The following COMMD10 variants were observed in gnomAD, a reference collection of about 807,000 sequenced individuals.
COMMD10 encodes COMM domain containing 10, also known as COMM domain-containing protein 10.
Under a neutral mutation model 28.9 loss-of-function variants are expected in COMMD10, and 33 were observed. The observed-to-expected ratio is 1.14, with a 90% confidence interval of 0.87 to 1.53. The LOEUF (loss-of-function observed/expected upper bound fraction) is 1.53. Among genes scored for constraint, COMMD10 ranks in the 40% most tolerant of loss-of-function variants. The pLI is 0.00. For missense variants in COMMD10, 310 were observed against 233.4 expected, an observed-to-expected ratio of 1.33 and a Z score of -2.14; for synonymous variants, 110 against 81.7, an observed-to-expected ratio of 1.35 and a Z score of -1.87.
chr5:116,261,565 G>A (rs1750444254), intron 5 of COMMD10, among the ~76,000 whole-genome samples: 1 of 151,750 alleles, frequency 6.6e-6, no homozygotes, highest in Admixed American at 6.6e-5. Context: ...TTTTATTTCA[G>A]TGCACTTACT....
rs529286373 is a variant in COMMD10, at chr5:116,204,213, A to G, written c.510+70035A>G. On this transcript the variant is annotated intron_variant, in intron 5 of 6. Coordinates refer to ENST00000274458, the MANE Select transcript of COMMD10 (RefSeq NM_016144.4). ...ATCTATCCTAAATATATATGCACCC[A>G]ATACAGGAGCACCCGGATTCATAAA... Among the ~76,000 whole-genome samples, 9 of 152,342 alleles carry G rather than the reference A, an allele frequency of 5.9e-5. No homozygotes were observed. In the East Asian group the frequency reaches 1.7e-3, roughly 29 times the overall value.
At chr5:116,262,703 G>C (rs868188236) in intron 5 of COMMD10, among the ~76,000 whole-genome samples, 1 of 151,760 alleles carries the variant, frequency 6.6e-6, no homozygotes, top group Admixed American at 6.6e-5. Context: ...TAAGCATTTT[G>C]TCCTTTGTAT....
At chr5:116,193,504 C>T (rs1448363452) in intron 5 of COMMD10, among the ~76,000 whole-genome samples, 1 of 151,982 alleles carries the variant, frequency 6.6e-6, no homozygotes, top group African/African-American at 2.4e-5. Flanking sequence ...AAATGGACAC[C>T]AAAAGCAAAT....
At chr5:116,194,110 TTGAAC>T (rs1162816423) in intron 5 of COMMD10, among the ~76,000 whole-genome samples, 8 of 152,086 alleles carry the variant, frequency 5.3e-5, no homozygotes, top group Admixed American at 5.2e-4. Context: ...TAAAAATTCT[TTGAAC>T]TGAACAACAA....
chr5:116,124,872 A>G (rs953801094), intron 4 of COMMD10, among the ~76,000 whole-genome samples: 1 of 152,106 alleles, frequency 6.6e-6, no homozygotes, highest in African/African-American at 2.4e-5. Context: ...GTTTTATCAG[A>G]GACTAGGATT....
chr5:116,156,146 T>G (rs1477037707), intron 5 of COMMD10, among the ~76,000 whole-genome samples: 1 of 152,126 alleles, frequency 6.6e-6, no homozygotes, highest in South Asian at 2.1e-4. Context: ...GGTTAAGCTG[T>G]CCTACTATCC....
chr5:116,186,943 C>T (rs1479445101), intron 5 of COMMD10, among the ~76,000 whole-genome samples: 1 of 152,064 alleles, frequency 6.6e-6, no homozygotes, highest in African/African-American at 2.4e-5. Context: ...CTCCTTTTTG[C>T]TTTAAAAATA....
intron 5 of COMMD10, among the ~76,000 whole-genome samples, chr5:116,163,727 T>C (rs1359171948): frequency 6.6e-6 from 1 of 152,216 alleles, no homozygotes; most frequent in Admixed American, 6.5e-5. Context: ...ATTATTCTTT[T>C]ATTATAAAGC....
At chr5:116,285,594 G>C (rs905146087) in intron 5 of COMMD10, among the ~76,000 whole-genome samples, 2 of 151,970 alleles carry the variant, frequency 1.3e-5, no homozygotes, top group East Asian at 3.9e-4. Context: ...ATGCTTTTCT[G>C]TATCAATTTA....
chr5:116,231,770 T>TA (rs1749535625), intron 5 of COMMD10, among the ~76,000 whole-genome samples: 1 of 152,048 alleles, frequency 6.6e-6, no homozygotes, highest in Non-Finnish European at 1.5e-5. Flanking sequence ...ATTGGCTACT[T>TA]AAAAGTCTTT....
chr5:116,139,791 G>T (rs72804834), intron 5 of COMMD10, among the ~76,000 whole-genome samples: 205 of 151,396 alleles, frequency 1.4e-3, no homozygotes, highest in Admixed American at 2.4e-3. Context: ...TAAGGTATAC[G>T]GCATGCTGTT....
intron 5 of COMMD10, among the ~76,000 whole-genome samples, chr5:116,222,645 C>T (rs1470306958): frequency 6.6e-6 from 1 of 152,118 alleles, no homozygotes; most frequent in Non-Finnish European, 1.5e-5. Context: ...CTTTTGTTCA[C>T]AAAAGAGCTA....
In COMMD10 at chr5:116,134,025, C is replaced by G. The variant is rs1580475717; in HGVS notation, c.400-43C>G. 3 of 1,111,300 alleles carry G rather than the reference C, an allele frequency of 2.7e-6. No individual in the cohort carries two copies. In the East Asian group the frequency reaches 7.0e-5, roughly 26 times the overall value. The allele number at this position is 1,111,300 out of a possible 1,614,324, so 68.8% of individuals were successfully genotyped here. ...TTTGCTTAAAGTTGACTGTTTTCTT[C>G]CTTCTGTACCATCTGATTCCAATCT... is the stretch of plus-strand genomic sequence containing the variant. On this transcript the variant is annotated intron_variant, in intron 4 of 6. Transcript: ENST00000274458.
At chr5:116,157,924 G>C (rs181211751) in intron 5 of COMMD10, among the ~76,000 whole-genome samples, 57 of 146,330 alleles carry the variant, frequency 3.9e-4, no homozygotes, top group Admixed American at 1.1e-3. Context: ...CAATTGCTAA[G>C]ATGGCTTTCC....
chr5:116,175,219 CTG>C (rs2112587569), intron 5 of COMMD10, among the ~76,000 whole-genome samples: 1 of 151,542 alleles, frequency 6.6e-6, no homozygotes, highest in Non-Finnish European at 1.5e-5. Flanking sequence ...ATTTTTGTGT[CTG>C]TATCACCTCA....
intron 5 of COMMD10, among the ~76,000 whole-genome samples, chr5:116,245,199 C>T (rs1028413596): frequency 2.0e-5 from 3 of 152,042 alleles, no homozygotes; most frequent in Admixed American, 6.6e-5. Flanking sequence ...ATATAACCAT[C>T]GGAGGATATT....
intron 5 of COMMD10, among the ~76,000 whole-genome samples, chr5:116,194,788 G>T (rs1289603439): frequency 1.3e-5 from 2 of 152,088 alleles, no homozygotes; most frequent in Admixed American, 6.6e-5. Flanking sequence ...ACAAGATAAA[G>T]AAGGAGCCCT....
chr5:116,169,163 G>T (rs1008931313), intron 5 of COMMD10, among the ~76,000 whole-genome samples: 3 of 152,042 alleles, frequency 2.0e-5, no homozygotes, highest in Admixed American at 6.6e-5. Flanking sequence ...TGATAAAGGG[G>T]ATATCACCAC....
chr5:116,223,160 T>C (rs1749307483), intron 5 of COMMD10, among the ~76,000 whole-genome samples: 1 of 152,158 alleles, frequency 6.6e-6, no homozygotes, highest in African/African-American at 2.4e-5. Context: ...ATTATAAATA[T>C]TAGTCTTAAC....
Sources: gnomAD v4.1 joint callset for allele counts (sites outside exome capture counted in the v4.1 genomes callset) on GRCh38, gnomAD v4.1.1 for gene constraint, MANE v1.5 for transcripts, NCBI Gene and HGNC (gene_info 2026-07-23, HGNC 2026-07-21) for gene names.